Variants in PRKG1 observed in about 807,000 individuals in gnomAD.
The protein encoded by PRKG1 is cGMP-dependent protein kinase 1.
PRKG1 carries 35 observed loss-of-function variants against 88.1 expected under a neutral mutation model. The ratio of observed to expected loss-of-function variants is 0.40; its 90% CI spans 0.30 to 0.53. PRKG1 has a LOEUF of 0.53. PRKG1 is among the 20% of genes least tolerant of loss of function. The probability of loss-of-function intolerance (pLI) is 0.59; values close to 1 mark genes in which losing one functional copy is unlikely to be tolerated. For synonymous variants in PRKG1, 303 were observed against 292.5 expected (o/e 1.04, Z -0.37); for missense variants, 540 against 839.8 (o/e 0.64, Z 4.41).
At chr10:51,780,221 G>A (rs1838550843) in intron 3 of PRKG1, among the ~76,000 whole-genome samples, 1 of 152,114 alleles carries the variant, frequency 6.6e-6, no homozygotes, top group Non-Finnish European at 1.5e-5. Flanking sequence ...GGGTTGAGTA[G>A]TGTTTGAACT....
At chr10:51,000,089 A>G (rs533269745) in intron 1 of PRKG1, among the ~76,000 whole-genome samples, 4 of 152,272 alleles carry the variant, frequency 2.6e-5, no homozygotes, top group African/African-American at 2.4e-5. Context: ...AAAATACTCA[A>G]TCCAATATCC....
In PRKG1 at chr10:51,061,052, T is replaced by C. The variant is rs1444973295; in HGVS notation, c.266+69408T>C. On this transcript the variant is annotated intron_variant, in intron 1 of 17. Transcript: ENST00000401604. ...TCATTGTAACAGTTTTACTGTGTTA[T>C]ACCTAGGGGTGTGTGTGTGTGTGTG... 2.0e-5 allele frequency among the ~76,000 whole-genome samples: 3 copies of C among 151,508 alleles called. No homozygotes were observed. The East Asian group carries it at 5.8e-4, about 29-fold the overall frequency.
intron 5 of PRKG1, among the ~76,000 whole-genome samples, chr10:51,936,310 C>T (rs1247385446): frequency 2.0e-5 from 3 of 151,930 alleles, no homozygotes; most frequent in Non-Finnish European, 4.4e-5. Context: ...CTGATGGCCT[C>T]CTCGAGTCCT....
chr10:51,330,939 G>A (rs1222271695), intron 2 of PRKG1, among the ~76,000 whole-genome samples: 1 of 152,158 alleles, frequency 6.6e-6, no homozygotes, highest in Non-Finnish European at 1.5e-5. Flanking sequence ...GGCAGGTACA[G>A]CACTGAGGTG....
chr10:51,380,411 A>G (rs1837051827), intron 2 of PRKG1, among the ~76,000 whole-genome samples: 1 of 152,178 alleles, frequency 6.6e-6, no homozygotes, highest in Admixed American at 6.5e-5. Flanking sequence ...ATCTCCATGA[A>G]AAAAGAGATT....
chr10:51,005,658 C>T (rs373299167), intron 1 of PRKG1, among the ~76,000 whole-genome samples: 38 of 152,248 alleles, frequency 2.5e-4, no homozygotes, highest in African/African-American at 7.9e-4. Flanking sequence ...TTAGCAGAGC[C>T]GCTTTTGAAG....
At chr10:51,965,727 C>G (rs2133079410) in intron 5 of PRKG1, among the ~76,000 whole-genome samples, 1 of 152,118 alleles carries the variant, frequency 6.6e-6, no homozygotes, top group Admixed American at 6.5e-5. Context: ...TTTACAAATT[C>G]CAATATGAAA....
chr10:51,312,396 T>C (rs937428861), intron 2 of PRKG1, among the ~76,000 whole-genome samples: 1 of 152,168 alleles, frequency 6.6e-6, no homozygotes, highest in Non-Finnish European at 1.5e-5. Flanking sequence ...CTGCATCTTC[T>C]AAGGAAAACT....
chr10:51,073,207 A>G (rs1319718793), upstream of PRKG1, among the ~76,000 whole-genome samples: 1 of 152,068 alleles, frequency 6.6e-6, no homozygotes, highest in African/African-American at 2.4e-5. Context: ...AATTGTGATC[A>G]TTTTGGGGAA....
intron 3 of PRKG1, chr10:51,697,710 C>T: frequency 6.2e-7 from 1 of 1,614,112 alleles, no homozygotes; most frequent in Non-Finnish European, 8.5e-7. Context: ...CAAGACGCTC[C>T]AGTGGATTTC....
chr10:51,993,838 C>T (rs951816775), intron 5 of PRKG1, among the ~76,000 whole-genome samples: 4 of 152,170 alleles, frequency 2.6e-5, no homozygotes, highest in African/African-American at 9.7e-5. Context: ...TATCTCAAAA[C>T]CACCTTTATA....
intron 5 of PRKG1, among the ~76,000 whole-genome samples, chr10:52,027,935 C>T (rs1407433268): frequency 1.3e-5 from 2 of 152,102 alleles, no homozygotes; most frequent in East Asian, 3.9e-4. Context: ...ACTGCAGGTG[C>T]CTGCCACCAC....
intron 1 of PRKG1, among the ~76,000 whole-genome samples, chr10:51,033,846 A>T (rs1843318846): frequency 6.6e-6 from 1 of 151,910 alleles, no homozygotes; most frequent in Non-Finnish European, 1.5e-5. Context: ...CCATTGCATT[A>T]TATCCTGCAG....
At chr10:51,221,177 A>G (rs1232991194) in intron 2 of PRKG1, among the ~76,000 whole-genome samples, 3 of 152,010 alleles carry the variant, frequency 2.0e-5, no homozygotes, top group African/African-American at 7.2e-5. Context: ...ATTTTGTAAA[A>G]ATGTAAGACA....
chr10:52,290,904 AT>A (rs1192060185), intron 17 of PRKG1, among the ~76,000 whole-genome samples: 3 of 149,206 alleles, frequency 2.0e-5, no homozygotes, highest in Non-Finnish European at 4.4e-5. Flanking sequence ...TCTTTACATG[AT>A]CACTCTTTTT....
intron 2 of PRKG1, among the ~76,000 whole-genome samples, chr10:51,249,078 A>C (rs994134812): frequency 6.6e-6 from 1 of 151,864 alleles, no homozygotes; most frequent in Admixed American, 6.6e-5. Context: ...ATTTTTAAAA[A>C]CATGATAAAT....
At chr10:52,031,116 G>A (rs1307711020) in intron 5 of PRKG1, among the ~76,000 whole-genome samples, 2 of 152,038 alleles carry the variant, frequency 1.3e-5, no homozygotes, top group Admixed American at 6.6e-5. Context: ...ACAGAACCAG[G>A]TTGTGAAATA....
At chr10:51,566,592 CA>C (rs1418775187) in intron 3 of PRKG1, among the ~76,000 whole-genome samples, 2 of 151,390 alleles carry the variant, frequency 1.3e-5, no homozygotes, top group African/African-American at 4.9e-5. Flanking sequence ...TTGGGGTGGG[CA>C]GGTAAGATAG....
chr10:51,254,143 A>G (rs1160426043), intron 2 of PRKG1, among the ~76,000 whole-genome samples: 1 of 151,932 alleles, frequency 6.6e-6, no homozygotes, highest in Non-Finnish European at 1.5e-5. Context: ...ATTGGAATAG[A>G]TTGTTTAAAG....
Sources: gnomAD v4.1 joint callset for allele counts (sites outside exome capture counted in the v4.1 genomes callset) on GRCh38, gnomAD v4.1.1 for gene constraint, MANE v1.5 for transcripts, NCBI Gene and HGNC (gene_info 2026-07-23, HGNC 2026-07-21) for gene names.